The following RASA2 variants were observed in gnomAD, a reference collection of about 807,000 sequenced individuals.
RASA2 encodes the protein ras GTPase-activating protein 2.
In RASA2, 155 loss-of-function variants were observed where a neutral mutation model predicts 118.2. The observed-to-expected ratio is 1.31, with a 90% confidence interval of 1.15 to 1.50. The LOEUF is 1.50. RASA2 is among the 40% of genes most tolerant of loss of function. RASA2 has a pLI of 0.00. For synonymous variants in RASA2, 353 were observed against 349.1 expected (o/e 1.01, Z -0.12); for missense variants, 1,016 against 1,009.6 (o/e 1.01, Z -0.09).
chr3:141,612,291 C>T lies in RASA2; in HGVS notation c.2528C>T (p.Pro843Leu). Residue 843 changes from proline to leucine, a missense_variant, in exon 24 of 24, where the codon CCA (proline) becomes CTA (leucine). Pro to Leu is a moderately conservative substitution (Grantham distance 98). Transcript: ENST00000286364. Reference protein sequence around the residue: ...SSAKYGSKENPIVGKAS With the variant: ...SSAKYGSKENLIVGKAS The stretch of plus-strand genomic sequence containing the variant: ...CTTTTTTTCTTCTCTAGGGAAAATC[C>T]AATTGTTGGGAAAGCATCTTAGAGT... 2 of 1,587,530 alleles carry T rather than the reference C, an allele frequency of 1.3e-6. No individual in the cohort carries two copies. The highest frequency in any genetic ancestry group is 8.6e-7 in the Non-Finnish European group (1 of 1,162,194).
intron 3 of RASA2, among the ~76,000 whole-genome samples, chr3:141,518,798 T>G (rs2082069203): frequency 6.6e-6 from 1 of 152,182 alleles, no homozygotes; most frequent in Non-Finnish European, 1.5e-5. Flanking sequence ...CTACAGTTAA[T>G]AATTTGGTGT....
intron 5 of RASA2, among the ~76,000 whole-genome samples, chr3:141,542,315 G>T (rs2082416332): frequency 6.6e-6 from 1 of 152,028 alleles, no homozygotes; most frequent in Non-Finnish European, 1.5e-5. Context: ...CTTTCACTTA[G>T]CATAATGCTT....
intron 6 of RASA2, 81 bp from the exon 7 acceptor site, chr3:141,555,759 G>A: frequency 1.7e-6 from 2 of 1,202,810 alleles, no homozygotes; most frequent in Non-Finnish European, 2.4e-6. Context: ...ATGGAGGTCA[G>A]GCTCCCTGGT....
At chr3:141,544,650 T>C (rs868780085) in intron 5 of RASA2, among the ~76,000 whole-genome samples, 1 of 152,362 alleles carries the variant, frequency 6.6e-6, no homozygotes, top group South Asian at 2.1e-4. Context: ...TGAGAGTTTC[T>C]TTTGCAGAGA....
intron 1 of RASA2, among the ~76,000 whole-genome samples, chr3:141,498,697 C>G (rs1323699197): frequency 6.6e-6 from 1 of 152,130 alleles, no homozygotes; most frequent in Non-Finnish European, 1.5e-5. Context: ...TTTTGGCCCC[C>G]TGGATGCTGT....
Position 141,613,955 on chromosome 3 carries a change from C to G in RASA2, c.*1642C>G, listed in dbSNP as rs1481486339. The G allele has an allele frequency of 6.6e-6, 1 of 152,064 alleles. No homozygotes were observed. Among genetic ancestry groups the G allele is most frequent in the Non-Finnish European group, 1.5e-5 (1 of 67,994 alleles). The allele number at this position is 152,064 out of a possible 1,614,324, so 9.4% of individuals were successfully genotyped here. On this transcript the variant is annotated 3_prime_UTR_variant, in exon 24 of 24. Coordinates refer to ENST00000286364, the MANE Select transcript of RASA2 (RefSeq NM_006506.5). ...TTAAATTTTATAAGCTTGTAGATTC[C>G]ATAAACTACACTGATTTATACATTT...
At chr3:141,580,071 A>G (rs1374050618) in intron 15 of RASA2, among the ~76,000 whole-genome samples, 11 of 68,812 alleles carry the variant, frequency 1.6e-4, no homozygotes, top group Admixed American at 3.5e-4. Flanking sequence ...AAAAAAAAGA[A>G]AAAAAAAAAA....
intron 15 of RASA2, among the ~76,000 whole-genome samples, chr3:141,578,047 TAAC>T (rs1468905856): frequency 1.3e-5 from 2 of 152,214 alleles, no homozygotes; most frequent in Non-Finnish European, 1.5e-5. Context: ...TAACAAATAA[TAAC>T]AATAGTCCAC....
chr3:141,594,207 G>GTTC (rs2083329070), intron 19 of RASA2, among the ~76,000 whole-genome samples: 1 of 152,102 alleles, frequency 6.6e-6, no homozygotes. Context: ...TGAACTTGAA[G>GTTC]ATCGATCAGT....
At position 141,553,898 on chromosome 3, in the gene RASA2, G is replaced by C. The variant is rs748158661; in HGVS notation, c.569G>C (p.Ser190Thr). ...GGGTTGCCTCTCATAAATGGCCAAA[G>C]CTGTGACCCTTATGCAACAGTTTCT... ...CHGLPLINGQ[S>T]CDPYATVSLV... Residue 190 changes from serine to threonine, a missense_variant, in exon 6 of 24, where the codon AGC becomes ACC. Physicochemically the swap from Ser to Thr is moderately conservative, Grantham distance 58. This residue lies in a region of RASA2 where 896 missense variants were observed against 836.4 expected (regional missense o/e 1.07). Coordinates refer to ENST00000286364, the MANE Select transcript of RASA2 (RefSeq NM_006506.5). 2 of 1,612,554 alleles carry C rather than the reference G, an allele frequency of 1.2e-6. No individual in the cohort carries two copies. The highest frequency in any genetic ancestry group is 1.7e-6 in the Non-Finnish European group (2 of 1,179,122).
chr3:141,574,241 G>C (rs1351364353), intron 14 of RASA2, among the ~76,000 whole-genome samples, 174 bp downstream of exon 14: 1 of 151,744 alleles, frequency 6.6e-6, no homozygotes, highest in Non-Finnish European at 1.5e-5. Context: ...CCTGGCTGGA[G>C]TGCAGTGGCG....
intron 5 of RASA2, among the ~76,000 whole-genome samples, chr3:141,547,998 A>G (rs891159803): frequency 2.6e-5 from 4 of 152,190 alleles, no homozygotes; most frequent in African/African-American, 9.7e-5. Flanking sequence ...ATTAATTTGC[A>G]CATATTGAAC....
intron 4 of RASA2, among the ~76,000 whole-genome samples, chr3:141,534,815 CTTCT>C (rs1264735140): frequency 6.6e-6 from 1 of 151,598 alleles, no homozygotes; most frequent in African/African-American, 2.4e-5. Flanking sequence ...ATATTAAATA[CTTCT>C]TTAAGGAGAA....
intron 5 of RASA2, among the ~76,000 whole-genome samples, chr3:141,549,748 A>T (rs1262178191): frequency 6.6e-6 from 1 of 151,980 alleles, no homozygotes; most frequent in African/African-American, 2.4e-5. Flanking sequence ...AAGAACCTGG[A>T]CTCCTTTTTA....
chr3:141,594,211 G>C (rs1028102985), intron 19 of RASA2, among the ~76,000 whole-genome samples: 1 of 152,084 alleles, frequency 6.6e-6, no homozygotes, highest in Non-Finnish European at 1.5e-5. Flanking sequence ...CTTGAAGATC[G>C]ATCAGTAGAA....
intron 19 of RASA2, among the ~76,000 whole-genome samples, chr3:141,606,718 A>G (rs1183172660): frequency 1.3e-5 from 2 of 152,144 alleles, no homozygotes; most frequent in African/African-American, 4.8e-5. Flanking sequence ...CATCTCTGTC[A>G]AGACAAAAAA....
rs1479013500 is a variant in RASA2, at chr3:141,556,070, G to T, written c.684+158G>T. On this transcript the variant is annotated intron_variant, in intron 7 of 23. Transcript: ENST00000286364. ...AGTAGAACCATGGTGTGATGCAATGGATGCCCAATATATAAAATGAATAAA... is the reference window on the plus strand; with the variant it reads ...AGTAGAACCATGGTGTGATGCAATGTATGCCCAATATATAAAATGAATAAA... Among the ~76,000 whole-genome samples the T allele has an allele frequency of 5.3e-5, 8 of 152,142 alleles. 1 individual carries two copies. The East Asian group carries it at 1.3e-3, about 26-fold the overall frequency.
chr3:141,580,687 C>T lies in RASA2; in HGVS notation c.1674+236C>T, dbSNP rs530011401. 8.5e-5 allele frequency among the ~76,000 whole-genome samples: 13 copies of T among 152,056 alleles called. No homozygotes were observed. The East Asian group carries it at 1.4e-3, about 16-fold the overall frequency. On this transcript the variant is annotated intron_variant, in intron 16 of 23. Transcript: ENST00000286364. ...TGTCTTTAATCCCAGGAAGCCGAAG[C>T]GGGAAGATGACTTGAGGCCAGGAGT... is the stretch of plus-strand genomic sequence containing the variant.
intron 23 of RASA2, among the ~76,000 whole-genome samples, chr3:141,611,790 G>A (rs561321226): frequency 6.6e-6 from 1 of 152,036 alleles, no homozygotes; most frequent in Non-Finnish European, 1.5e-5. Flanking sequence ...AATTAGAAAG[G>A]TTATTAGAAG....
Sources: allele counts gnomAD v4.1 joint callset (sites outside exome capture counted in the v4.1 genomes callset), GRCh38; gene constraint gnomAD v4.1.1; regional missense constraint gnomAD v4.1.1; transcripts MANE v1.5; gene names NCBI Gene and HGNC (gene_info 2026-07-23, HGNC 2026-07-21).